The following AKAP1 variants were observed in gnomAD, a reference collection of about 807,000 sequenced individuals.
AKAP1 encodes the protein A-kinase anchoring protein 1.
In AKAP1, 32 loss-of-function variants were observed where a neutral mutation model predicts 79.8. The observed-to-expected ratio is 0.40, with a 90% CI of 0.30 to 0.54. The LOEUF (loss-of-function observed/expected upper bound fraction) is 0.54. AKAP1 is among the 20% of genes least tolerant of loss of function. AKAP1 has a pLI of 0.47. For synonymous variants in AKAP1, 416 were observed against 466.7 expected, an observed-to-expected ratio of 0.89 and a Z score of 1.40; for missense variants, 961 against 1,138.9, an observed-to-expected ratio of 0.84 and a Z score of 2.25.
chr17:57,093,398 C>T (rs1240090995), intron 1 of AKAP1: 1 of 152,148 alleles, frequency 6.6e-6, no homozygotes, highest in East Asian at 1.9e-4. Flanking sequence ...AATGACTGGC[C>T]CTGAGAGGTC....
chr17:57,113,285 C>A (rs2144758573), intron 5 of AKAP1, among the ~76,000 whole-genome samples: 1 of 152,298 alleles, frequency 6.6e-6, no homozygotes, highest in East Asian at 1.9e-4. Context: ...TCTTATCTCA[C>A]TGGGAGTAGA....
Position 57,088,833 on chromosome 17 carries a change from C to T in AKAP1, c.-25+3435C>T, listed in dbSNP as rs75638906. On this transcript the variant is annotated intron_variant, in intron 1 of 10. Coordinates refer to ENST00000337714, the MANE Select transcript of AKAP1 (RefSeq NM_003488.4). ...GGTCTTCACCATCTGGTTGTTTTTCCGGCTTGGTTTGATAGTTTGCAGCAG... is the reference window on the plus strand; with the variant it reads ...GGTCTTCACCATCTGGTTGTTTTTCTGGCTTGGTTTGATAGTTTGCAGCAG... 1.3e-3 allele frequency among the ~76,000 whole-genome samples: 201 copies of T among 152,248 alleles called. 2 individuals are homozygous for T. The East Asian group carries it at 0.036, about 27-fold the overall frequency.
At chr17:57,110,218 G>A in intron 3 of AKAP1, 60 bp downstream of exon 3, 4 of 1,597,368 alleles carry the variant, frequency 2.5e-6, no homozygotes, top group Non-Finnish European at 2.6e-6. Context: ...TGGGGCCAGG[G>A]CCATTAGACC....
At chr17:57,089,985 C>T (rs1342529436) in intron 1 of AKAP1, among the ~76,000 whole-genome samples, 1 of 152,238 alleles carries the variant, frequency 6.6e-6, no homozygotes, top group East Asian at 1.9e-4. Flanking sequence ...CCTTCACCCA[C>T]CTGATGACTT....
At chr17:57,117,067 C>A in intron 8 of AKAP1, 140 bp downstream of exon 8, 1 of 891,218 alleles carries the variant, frequency 1.1e-6, no homozygotes, top group Non-Finnish European at 1.8e-6. Flanking sequence ...CTGAATAGGT[C>A]TGGGCTTAGG....
chr17:57,109,635 T>C (rs1474867767), intron 2 of AKAP1, among the ~76,000 whole-genome samples: 1 of 152,130 alleles, frequency 6.6e-6, no homozygotes, highest in Non-Finnish European at 1.5e-5. Flanking sequence ...TCAAGGTGTT[T>C]GTGGTCCATC....
In AKAP1 at chr17:57,116,804, G is replaced by A. The variant is rs1215108911; in HGVS notation, c.2433-56G>A. On this transcript the variant is annotated intron_variant, in intron 7 of 10. Coordinates refer to ENST00000337714, the MANE Select transcript of AKAP1 (RefSeq NM_003488.4). ...ACTGTACAAAGATGAATACTGGCTTGGAGTGGAGTCAGCCTTCATGTCCAC... is the reference window on the plus strand; with the variant it reads ...ACTGTACAAAGATGAATACTGGCTTAGAGTGGAGTCAGCCTTCATGTCCAC... 5 of 1,483,156 alleles carry A rather than the reference G, an allele frequency of 3.4e-6. No homozygotes were observed. The East Asian group carries it at 6.8e-5, about 20-fold the overall frequency. 91.9% of individuals were successfully genotyped at this position (1,483,156 alleles called of 1,614,324 possible). A position where few individuals can be genotyped will look rare whatever the true frequency, so the allele number is the denominator to read the frequency against.
At position 57,120,359 on chromosome 17, in the gene AKAP1, C is replaced by T; in HGVS notation, c.*35C>T. ...TGCTTCCTGAGAGTCTTTTTTTGCACTGTTGAAATTGGGCTTGGCACTCAA... is the reference window on the plus strand; with the variant it reads ...TGCTTCCTGAGAGTCTTTTTTTGCATTGTTGAAATTGGGCTTGGCACTCAA... On this transcript the variant is annotated 3_prime_UTR_variant, in exon 11 of 11. Transcript: ENST00000337714. 6.3e-7 allele frequency: 1 copy of T among 1,587,124 alleles called. No homozygotes were observed. The highest frequency in any genetic ancestry group is 8.6e-7 in the Non-Finnish European group (1 of 1,163,802).
At position 57,105,422 on chromosome 17, in the gene AKAP1, G is replaced by A. The variant is rs973331980; in HGVS notation, c.-24-19G>A. 13 of 1,606,760 alleles carry A rather than the reference G, an allele frequency of 8.1e-6. No individual in the cohort carries two copies. In the South Asian group the frequency reaches 1.1e-4, roughly 14 times the overall value. ...TGGCTCTGTAACATCCCTCCTCCCC[G>A]CTCTCCTGCTCTCCCCAGGTGTAAT... On this transcript the variant is annotated intron_variant, in intron 1 of 10. Transcript: ENST00000337714.
Position 57,105,459 on chromosome 17 carries a change from T to C in AKAP1, c.-6T>C, listed in dbSNP as rs1434251815. ...TCCCCAGGTGTAATTACTTCAAGCC[T>C]CCAGGATGGCAATCCAGTTCCGTTC... On this transcript the variant is annotated 5_prime_UTR_variant, in exon 2 of 11. Transcript: ENST00000337714. 14 of 1,613,868 alleles carry C rather than the reference T, an allele frequency of 8.7e-6. No homozygotes were observed. Among genetic ancestry groups the C allele is most frequent in the African/African-American group, 1.3e-5 (1 of 74,868 alleles).
Position 57,118,416 on chromosome 17 carries a change from A to G in AKAP1, c.2536A>G (p.Met846Val). The G allele has an allele frequency of 3.7e-6, 6 of 1,613,990 alleles. No homozygotes were observed. Among genetic ancestry groups the G allele is most frequent in the Non-Finnish European group, 1.7e-6 (2 of 1,179,954 alleles). Reference sequence around the variant, plus strand: ...GTTTTCACCGGAAGCAGATGCCGCCATGAGCGAGATGACGGGGAATACAGC... The same window carrying G: ...GTTTTCACCGGAAGCAGATGCCGCCGTGAGCGAGATGACGGGGAATACAGC... ...DQFSPEADAAMSEMTGNTALL... is the reference protein window; with the variant it reads ...DQFSPEADAAVSEMTGNTALL... The change falls in exon 9 of 11, where the codon ATG becomes GTG. Residue 846 changes from methionine (M) to valine (V), a missense_variant. This residue lies in a region of AKAP1 where 629 missense variants were observed against 781.1 expected (regional missense o/e 0.81). Transcript: ENST00000337714.
At position 57,120,269 on chromosome 17, in the gene AKAP1, C is replaced by A; in HGVS notation, c.2657C>A (p.Ser886Tyr). 1.2e-6 allele frequency: 2 copies of A among 1,613,618 alleles called. No individual in the cohort carries two copies. Among genetic ancestry groups the A allele is most frequent in the Admixed American group, 3.3e-5 (2 of 59,880 alleles). The change falls in exon 11 of 11, where the codon TCC (serine) becomes TAC (tyrosine). Residue 886 changes from serine to tyrosine, a missense_variant. This residue lies in a region of AKAP1 where 629 missense variants were observed against 781.1 expected (regional missense o/e 0.81). Coordinates refer to ENST00000337714, the MANE Select transcript of AKAP1 (RefSeq NM_003488.4). Reference sequence around the variant, plus strand: ...TTCTAGGTGGTGTTGATAAACCGGTCCCTGGTGGAGCGAGGCCTTGCCCAG... The same window carrying A: ...TTCTAGGTGGTGTTGATAAACCGGTACCTGGTGGAGCGAGGCCTTGCCCAG... ...VGDEVVLINR[S>Y]LVERGLAQWV...
rs61751973 is a variant in AKAP1, at chr17:57,112,625, G to A, written c.2103+7G>A. ...TCTGCCGATGACATCCTGGGTGAGC[G>A]TGCTACTGGGTGATCCGGACTTCTT... On this transcript the variant is annotated splice_region_variant and intron_variant, in intron 5 of 10. Coordinates refer to ENST00000337714, the MANE Select transcript of AKAP1 (RefSeq NM_003488.4). The A allele has an allele frequency of 9.4e-6, 15 of 1,599,250 alleles. No individual in the cohort carries two copies. Among genetic ancestry groups the A allele is most frequent in the Admixed American group, 1.7e-5 (1 of 57,468 alleles).
At chr17:57,116,585 G>C (rs933095319) in intron 7 of AKAP1, among the ~76,000 whole-genome samples, 1 of 152,108 alleles carries the variant, frequency 6.6e-6, no homozygotes, top group Non-Finnish European at 1.5e-5. Context: ...GCAGTATAGC[G>C]AGACCTCATC....
intron 1 of AKAP1, among the ~76,000 whole-genome samples, chr17:57,098,094 G>A (rs1195375361): frequency 6.6e-6 from 1 of 152,220 alleles, no homozygotes; most frequent in Non-Finnish European, 1.5e-5. Context: ...AGAAGCTGCA[G>A]GTACCTCCCT....
In AKAP1 at chr17:57,120,812, T is replaced by G. The variant is rs1386240714; in HGVS notation, c.*488T>G. ...ACTTGTACAGCTTACATAAATGAGTTGATGATATTTAACCAGTTTTTATAA... is the reference window on the plus strand; with the variant it reads ...ACTTGTACAGCTTACATAAATGAGTGGATGATATTTAACCAGTTTTTATAA... On this transcript the variant is annotated 3_prime_UTR_variant, in exon 11 of 11. Transcript: ENST00000337714. 6.5e-6 allele frequency: 1 copy of G among 153,132 alleles called. No individual in the cohort carries two copies. Among genetic ancestry groups the G allele is most frequent in the African/African-American group, 2.4e-5 (1 of 41,462 alleles). The allele number at this position is 153,132 out of a possible 1,614,324, so 9.5% of individuals were successfully genotyped here.
rs1283875326 is a variant in AKAP1, at chr17:57,116,331, C to T, written c.2432+70C>T. ...GGATGCGTGATCTCTGCGTGGCTGGCTCAGTTGTGCCAGGGCTTGGGTGAG... is the reference window on the plus strand; with the variant it reads ...GGATGCGTGATCTCTGCGTGGCTGGTTCAGTTGTGCCAGGGCTTGGGTGAG... On this transcript the variant is annotated intron_variant, in intron 7 of 10. Coordinates refer to ENST00000337714, the MANE Select transcript of AKAP1 (RefSeq NM_003488.4). The T allele has an allele frequency of 9.4e-6, 15 of 1,587,368 alleles. 1 individual carries two copies. The highest frequency in any genetic ancestry group is 1.3e-5 in the Non-Finnish European group (15 of 1,161,000).
intron 4 of AKAP1, among the ~76,000 whole-genome samples, chr17:57,112,149 C>T (rs979414686): frequency 5.3e-5 from 8 of 152,018 alleles, no homozygotes; most frequent in African/African-American, 1.9e-4. Flanking sequence ...AGTGTGGGTG[C>T]TTGGTTGGGC....
intron 10 of AKAP1, among the ~76,000 whole-genome samples, chr17:57,119,893 G>A (rs754786560): frequency 1.6e-5 from 2 of 127,146 alleles, no homozygotes; most frequent in Admixed American, 8.8e-5. Context: ...GTGCAGTGGC[G>A]TGATCTTGGC....
Sources: allele counts gnomAD v4.1 joint callset (sites outside exome capture counted in the v4.1 genomes callset), GRCh38; gene constraint gnomAD v4.1.1; regional missense constraint gnomAD v4.1.1; transcripts MANE v1.5; gene names NCBI Gene and HGNC (gene_info 2026-07-23, HGNC 2026-07-21).